The following MAP4 variants were observed in gnomAD, a reference collection of about 807,000 sequenced individuals.
The protein encoded by MAP4 is microtubule-associated protein 4.
Under a neutral mutation model 170.2 loss-of-function variants are expected in MAP4, and 76 were observed. That is an observed-to-expected ratio of 0.45 (90% confidence interval 0.37 to 0.54). The LOEUF (loss-of-function observed/expected upper bound fraction) is 0.54, where lower values mean the gene tolerates loss of function less well. Ranked by LOEUF, MAP4 falls within the 20% of genes least tolerant of loss-of-function variation. The pLI, the probability that MAP4 is intolerant of heterozygous loss-of-function variation, is 0.00. For missense variants in MAP4, 2,506 were observed against 2,748.0 expected, an observed-to-expected ratio of 0.91 and a Z score of 1.97; for synonymous variants, 909 against 994.5, an observed-to-expected ratio of 0.91 and a Z score of 1.62.
At chr3:47,942,248 G>A (rs951917588) in intron 3 of MAP4, among the ~76,000 whole-genome samples, 1 of 152,134 alleles carries the variant, frequency 6.6e-6, no homozygotes. Flanking sequence ...TCATAAAGAC[G>A]TTAAAATGGC....
At chr3:47,966,072 T>TA (rs1252915321) in intron 3 of MAP4, among the ~76,000 whole-genome samples, 7 of 151,130 alleles carry the variant, frequency 4.6e-5, no homozygotes, top group Admixed American at 2.6e-4. Context: ...GGTCCCAACT[T>TA]AAAAAAAAGA....
intron 2 of MAP4, among the ~76,000 whole-genome samples, chr3:47,984,168 T>A (rs1046610913): frequency 2.6e-5 from 4 of 152,150 alleles, no homozygotes; most frequent in African/African-American, 4.8e-5. Context: ...TTTTTTATTT[T>A]TTTTTTCTTT....
In MAP4 at chr3:47,922,096, C is replaced by T. The variant is rs548509467; in HGVS notation, c.416-218G>A. On this transcript the variant is annotated intron_variant, in intron 4 of 20. Coordinates refer to ENST00000683076, the MANE Select transcript of MAP4 (RefSeq NM_001385682.1). Reference sequence around the variant, plus strand: ...TTAAGTAGCTGGGATTACAGATGCCCGCCACCATGCCTGGCTAATTTTTGT... The same window carrying T: ...TTAAGTAGCTGGGATTACAGATGCCTGCCACCATGCCTGGCTAATTTTTGT... Among the ~76,000 whole-genome samples, 14 of 152,060 alleles carry T rather than the reference C, an allele frequency of 9.2e-5. No homozygotes were observed. In the East Asian group the frequency reaches 1.2e-3, roughly 13 times the overall value.
At chr3:48,044,123 C>T (rs1056743485) in intron 1 of MAP4, among the ~76,000 whole-genome samples, 6 of 151,130 alleles carry the variant, frequency 4.0e-5, no homozygotes, top group Admixed American at 2.0e-4. Context: ...GGAGTACAGG[C>T]GTGAGCCACT....
At chr3:47,860,322 G>T (rs1399566863) in intron 17 of MAP4, among the ~76,000 whole-genome samples, 3 of 152,198 alleles carry the variant, frequency 2.0e-5, no homozygotes, top group East Asian at 3.9e-4. Context: ...CCCCTCAAGT[G>T]GCTGAGACTA....
intron 3 of MAP4, among the ~76,000 whole-genome samples, chr3:47,930,667 G>A (rs1278422244): frequency 6.6e-6 from 1 of 152,082 alleles, no homozygotes; most frequent in Non-Finnish European, 1.5e-5. Flanking sequence ...AGCGGCTCAT[G>A]CCTGTAATCC....
intron 3 of MAP4, among the ~76,000 whole-genome samples, chr3:47,961,360 A>C (rs2154172161): frequency 1.3e-5 from 2 of 152,196 alleles, no homozygotes. Context: ...AACAAACAAA[A>C]ATATAGCCAG....
chr3:48,072,134 A>G (rs11924107), intron 1 of MAP4, among the ~76,000 whole-genome samples: 95,131 of 151,610 alleles, frequency 0.63, 30,530 homozygotes, highest in East Asian at 0.71. Flanking sequence ...AGGAGGCGGA[A>G]GTTGCAGTGA....
At chr3:47,864,202 T>C in intron 17 of MAP4, among the ~76,000 whole-genome samples, 1 of 152,162 alleles carries the variant, frequency 6.6e-6, no homozygotes, top group Non-Finnish European at 1.5e-5. Context: ...GCAATCCTCC[T>C]GCCTGGGCCT....
intron 1 of MAP4, among the ~76,000 whole-genome samples, chr3:48,056,995 G>GC (rs1455604673): frequency 7.9e-6 from 1 of 126,958 alleles, no homozygotes; most frequent in African/African-American, 3.0e-5. Flanking sequence ...GGGGGGGTCA[G>GC]CCCCCCTGCC....
chr3:47,891,319 C>T, intron 10 of MAP4: 9 of 1,536,174 alleles, frequency 5.9e-6, no homozygotes, highest in Non-Finnish European at 7.8e-6. Flanking sequence ...TCTTCTTGGC[C>T]ACTGGTTCCT....
rs141140586 is a variant in MAP4, at chr3:47,953,414, C to T, written c.292+24451G>A. ...TCACATGCCTGTAATCCCAGCTACT[C>T]AGGAGGCTGAGGAAGGAGGACTACT... is the stretch of plus-strand genomic sequence containing the variant. On this transcript the variant is annotated intron_variant, in intron 3 of 20. Transcript: ENST00000683076. Among the ~76,000 whole-genome samples, 613 of 152,062 alleles carry T rather than the reference C, an allele frequency of 4.0e-3. 6 individuals carry two copies. Among genetic ancestry groups the T allele is most frequent in the African/African-American group, 0.014 (594 of 41,486 alleles).
chr3:47,987,402 A>C, intron 2 of MAP4: 1 of 1,533,504 alleles, frequency 6.5e-7, no homozygotes. Flanking sequence ...GATGAAAAGA[A>C]AGGCTGGCAG....
intron 3 of MAP4, among the ~76,000 whole-genome samples, chr3:47,951,197 G>A (rs2154099022): frequency 6.6e-6 from 1 of 152,262 alleles, no homozygotes; most frequent in African/African-American, 2.4e-5. Context: ...ATATGACAAT[G>A]GTGAACTTTA....
intron 10 of MAP4, among the ~76,000 whole-genome samples, chr3:47,901,054 C>G (rs1187549058): frequency 6.6e-6 from 1 of 152,190 alleles, no homozygotes; most frequent in Non-Finnish European, 1.5e-5. Context: ...ACTATGCATG[C>G]CTTTACACAG....
intron 3 of MAP4, among the ~76,000 whole-genome samples, chr3:47,968,048 C>T (rs1447315102): frequency 6.6e-6 from 1 of 152,200 alleles, no homozygotes; most frequent in Non-Finnish European, 1.5e-5. Context: ...TTGTGTGTAT[C>T]TTTCTTATCC....
upstream of MAP4, among the ~76,000 whole-genome samples, chr3:48,016,949 T>C (rs2100108125): frequency 6.6e-6 from 1 of 151,764 alleles, no homozygotes; most frequent in Non-Finnish European, 1.5e-5. Flanking sequence ...TGGCTAATTT[T>C]TGTATCTTCA....
At chr3:48,052,310 G>A (rs569357891) in intron 1 of MAP4, among the ~76,000 whole-genome samples, 4 of 152,212 alleles carry the variant, frequency 2.6e-5, no homozygotes, top group East Asian at 1.9e-4. Flanking sequence ...CAACCTCCAC[G>A]TCCTGGTTCA....
chr3:47,967,704 G>A (rs754278359), intron 3 of MAP4, among the ~76,000 whole-genome samples: 46 of 152,196 alleles, frequency 3.0e-4, no homozygotes, highest in Non-Finnish European at 3.7e-4. Flanking sequence ...ACTCACACCT[G>A]TAATCCCAGT....
Sources: gnomAD v4.1 joint callset for allele counts (sites outside exome capture counted in the v4.1 genomes callset) on GRCh38, gnomAD v4.1.1 for gene constraint, MANE v1.5 for transcripts, NCBI Gene and HGNC (gene_info 2026-07-23, HGNC 2026-07-21) for gene names.